The following TSPAN18 variants were observed in gnomAD, a reference collection of about 807,000 sequenced individuals.
TSPAN18 encodes tetraspanin-18.
In TSPAN18, 14 loss-of-function variants were observed where a neutral mutation model predicts 27.3. The ratio of observed to expected loss-of-function variants is 0.51; its 90% CI spans 0.34 to 0.80. The LOEUF (loss-of-function observed/expected upper bound fraction) is 0.80. TSPAN18 is among the 30% of genes least tolerant of loss of function. The pLI is 0.01. For synonymous variants in TSPAN18, 143 were observed against 136.5 expected (o/e 1.05, Z -0.33); for missense variants, 268 against 323.9 (o/e 0.83, Z 1.32).
chr11:44,729,945 C>T (rs1228419967), intron 1 of TSPAN18, among the ~76,000 whole-genome samples: 1 of 152,126 alleles, frequency 6.6e-6, no homozygotes, highest in African/African-American at 2.4e-5. Context: ...GTTATTTCCC[C>T]TCTTGAGCCT....
intron 1 of TSPAN18, among the ~76,000 whole-genome samples, chr11:44,727,831 C>T (rs914896435): frequency 1.3e-5 from 2 of 152,200 alleles, no homozygotes; most frequent in African/African-American, 4.8e-5. Flanking sequence ...CTCCAGGACC[C>T]CCCTTATTCC....
rs143807086 is a variant in TSPAN18, at chr11:44,846,367, G to A, written c.-152-13961G>A. 2.0e-3 allele frequency among the ~76,000 whole-genome samples: 298 copies of A among 152,370 alleles called. 2 individuals carry two copies. Among genetic ancestry groups the A allele is most frequent in the African/African-American group, 6.4e-3 (267 of 41,592 alleles). On this transcript the variant is annotated intron_variant, in intron 2 of 9. Transcript: ENST00000520358. Reference sequence around the variant, plus strand: ...GAATATCTGTTTAATGAACGTGGCTGTACCTTCTTGCGGAGTGTTGGGCGC... The same window carrying A: ...GAATATCTGTTTAATGAACGTGGCTATACCTTCTTGCGGAGTGTTGGGCGC...
intron 3 of TSPAN18, among the ~76,000 whole-genome samples, chr11:44,887,519 G>A (rs1858696878): frequency 1.3e-5 from 2 of 152,294 alleles, no homozygotes; most frequent in Admixed American, 1.3e-4. Context: ...GGGTTCAAAG[G>A]AGATAATGTA....
Position 44,929,926 on chromosome 11 carries a change from C to A in TSPAN18, c.*748C>A, listed in dbSNP as rs1240451253. On this transcript the variant is annotated 3_prime_UTR_variant, in exon 10 of 10. Coordinates refer to ENST00000520358, the MANE Select transcript of TSPAN18 (RefSeq NM_130783.5). Reference sequence around the variant, plus strand: ...TCAGCTCTGCTGCCCACATGCACCCCTGGCCTCAGCATCCCGGTTCCCCCA... The same window carrying A: ...TCAGCTCTGCTGCCCACATGCACCCATGGCCTCAGCATCCCGGTTCCCCCA... 1.3e-5 allele frequency: 2 copies of A among 152,474 alleles called. No homozygotes were observed. Among genetic ancestry groups the A allele is most frequent in the African/African-American group, 4.8e-5 (2 of 41,460 alleles). 9.4% of individuals were successfully genotyped at this position (152,474 alleles called of 1,614,324 possible). A position where few individuals can be genotyped will look rare whatever the true frequency, so the allele number is the denominator to read the frequency against.
chr11:44,760,749 G>A lies in TSPAN18; in HGVS notation c.-239-3677G>A, dbSNP rs930273301. Among the ~76,000 whole-genome samples the A allele has an allele frequency of 1.4e-4, 22 of 152,190 alleles. 1 individual carries two copies. Among genetic ancestry groups the A allele is most frequent in the Non-Finnish European group, 1.5e-5 (1 of 68,034 alleles). On this transcript the variant is annotated intron_variant, in intron 1 of 9. Transcript: ENST00000520358. ...TGGGTGAAATTGGCTTATACTCATC[G>A]TAGTTACTGCCACCTATTAAGCTCT...
At chr11:44,811,763 A>G (rs1276177153) in intron 2 of TSPAN18, among the ~76,000 whole-genome samples, 3 of 152,198 alleles carry the variant, frequency 2.0e-5, no homozygotes, top group East Asian at 3.9e-4. Context: ...CACCCGGCCT[A>G]TGTTTTATGC....
At chr11:44,805,649 A>G (rs113616378) in intron 2 of TSPAN18, among the ~76,000 whole-genome samples, 89 of 152,266 alleles carry the variant, frequency 5.8e-4, no homozygotes, top group African/African-American at 2.1e-3. Flanking sequence ...GTGAACACTC[A>G]CAAACTGGGT....
intron 2 of TSPAN18, among the ~76,000 whole-genome samples, chr11:44,773,455 G>A (rs1283322710): frequency 4.6e-5 from 7 of 151,994 alleles, no homozygotes; most frequent in Admixed American, 4.6e-4. Flanking sequence ...ACCCACCAGT[G>A]ACTGCAGCAA....
At chr11:44,802,589 G>T (rs573354398) in intron 2 of TSPAN18, among the ~76,000 whole-genome samples, 26 of 138,238 alleles carry the variant, frequency 1.9e-4, no homozygotes, top group African/African-American at 7.4e-4. Flanking sequence ...GCAGATGGGA[G>T]TGGGGGGCTG....
At chr11:44,862,833 C>T (rs1438430103) in intron 3 of TSPAN18, among the ~76,000 whole-genome samples, 1 of 152,186 alleles carries the variant, frequency 6.6e-6, no homozygotes, top group Non-Finnish European at 1.5e-5. Flanking sequence ...AGCAGAATGA[C>T]TTGGTTCTCA....
intron 1 of TSPAN18, among the ~76,000 whole-genome samples, chr11:44,735,335 CACCATAA>C (rs1417001435): frequency 1.3e-5 from 2 of 152,226 alleles, no homozygotes; most frequent in African/African-American, 4.8e-5. Flanking sequence ...GCCATGACAG[CACCATAA>C]ACTAGATGGC....
chr11:44,809,255 C>T (rs1357328886), intron 2 of TSPAN18, among the ~76,000 whole-genome samples: 2 of 152,032 alleles, frequency 1.3e-5, no homozygotes, highest in Admixed American at 6.5e-5. Context: ...GTGCAGATGT[C>T]CATTGCTGAG....
chr11:44,747,907 C>T, intron 1 of TSPAN18, among the ~76,000 whole-genome samples: 1 of 152,210 alleles, frequency 6.6e-6, no homozygotes, highest in Non-Finnish European at 1.5e-5. Context: ...GTCATTCTCA[C>T]ACTCAAACTT....
chr11:44,795,918 C>T (rs1431565681), intron 2 of TSPAN18, among the ~76,000 whole-genome samples: 1 of 152,106 alleles, frequency 6.6e-6, no homozygotes, highest in Non-Finnish European at 1.5e-5. Context: ...AAATGTGGAG[C>T]TGTAGCCTGC....
At chr11:44,894,578 C>G (rs1364151451) in intron 3 of TSPAN18, among the ~76,000 whole-genome samples, 2 of 152,238 alleles carry the variant, frequency 1.3e-5, no homozygotes, top group Admixed American at 6.5e-5. Flanking sequence ...GAGCCGCCAT[C>G]TGGGCGACAG....
intron 4 of TSPAN18, among the ~76,000 whole-genome samples, chr11:44,907,913 T>G (rs1311568059): frequency 6.6e-6 from 1 of 151,934 alleles, no homozygotes; most frequent in Non-Finnish European, 1.5e-5. Flanking sequence ...AAAGTAGCCA[T>G]GCGTGGTAGC....
intron 1 of TSPAN18, among the ~76,000 whole-genome samples, chr11:44,753,293 A>T (rs1441536657): frequency 6.6e-6 from 1 of 151,728 alleles, no homozygotes; most frequent in African/African-American, 2.4e-5. Flanking sequence ...CACCACACCC[A>T]GCTAATTTTT....
intron 2 of TSPAN18, among the ~76,000 whole-genome samples, chr11:44,828,771 C>T (rs1040784145): frequency 6.6e-6 from 1 of 152,158 alleles, no homozygotes; most frequent in African/African-American, 2.4e-5. Context: ...CCCGAGGCCA[C>T]GACCAGGGAA....
rs189130941 is a variant in TSPAN18 at position 44,833,713 on chromosome 11, G to A, written c.-152-26615G>A. On this transcript the variant is annotated intron_variant, in intron 2 of 9. Coordinates refer to ENST00000520358, the MANE Select transcript of TSPAN18 (RefSeq NM_130783.5). ...CCAGGAGCAGGCAGGTCACCCCACC[G>A]AGCAGAGAAGATGCCGGCAACTGCA... Among the ~76,000 whole-genome samples, 44 of 152,142 alleles carry A rather than the reference G, an allele frequency of 2.9e-4. No homozygotes were observed. The East Asian group carries it at 5.2e-3, about 18-fold the overall frequency.
Sources: allele counts gnomAD v4.1 joint callset (sites outside exome capture counted in the v4.1 genomes callset), GRCh38; gene constraint gnomAD v4.1.1; transcripts MANE v1.5; gene names NCBI Gene and HGNC (gene_info 2026-07-23, HGNC 2026-07-21).